The following CHST8 variants were observed in gnomAD, a reference collection of about 807,000 sequenced individuals.
CHST8 encodes the protein GALNAC-4-ST1.
Under a neutral mutation model 15.0 loss-of-function variants are expected in CHST8, and 10 were observed. The observed-to-expected ratio is 0.67, with a 90% CI of 0.41 to 1.13. The LOEUF (loss-of-function observed/expected upper bound fraction) is 1.13, where lower values mean the gene tolerates loss of function less well. CHST8 is among the 50% of genes most tolerant of loss of function. The pLI, the probability that CHST8 is intolerant of heterozygous loss-of-function variation, is 0.00. For missense variants in CHST8, 634 were observed against 608.2 expected (o/e 1.04, Z -0.45); for synonymous variants, 259 against 256.6 (o/e 1.01, Z -0.09).
chr19:33,738,124 C>T lies in CHST8; in HGVS notation c.131-33289C>T, dbSNP rs188380103. ...CTGCTAGATAAATATATCATATTCTCTGACTGCTCAAAACCTCCCAGGGGT... is the reference window on the plus strand; with the variant it reads ...CTGCTAGATAAATATATCATATTCTTTGACTGCTCAAAACCTCCCAGGGGT... On this transcript the variant is annotated intron_variant, in intron 3 of 4. Transcript: ENST00000650847. Among the ~76,000 whole-genome samples the T allele has an allele frequency of 2.6e-5, 4 of 152,342 alleles. No homozygotes were observed. In the East Asian group the frequency reaches 7.7e-4, roughly 29 times the overall value.
At chr19:33,710,325 G>A (rs894804574) in intron 3 of CHST8, among the ~76,000 whole-genome samples, 4 of 152,050 alleles carry the variant, frequency 2.6e-5, no homozygotes, top group African/African-American at 7.2e-5. Flanking sequence ...TTCCTGCTTT[G>A]TATTTTATTA....
chr19:33,761,651 T>G (rs1034842965), intron 3 of CHST8, among the ~76,000 whole-genome samples: 5 of 151,120 alleles, frequency 3.3e-5, no homozygotes, highest in Admixed American at 6.6e-5. Flanking sequence ...TATATATATA[T>G]AGTATAAAAA....
At chr19:33,768,085 G>T (rs1264840328) in intron 3 of CHST8, among the ~76,000 whole-genome samples, 2 of 152,146 alleles carry the variant, frequency 1.3e-5, no homozygotes, top group African/African-American at 4.8e-5. Flanking sequence ...GCCCACTTGG[G>T]GATGTGCAGA....
At chr19:33,752,525 T>C (rs1209848198) in intron 3 of CHST8, among the ~76,000 whole-genome samples, 4 of 152,220 alleles carry the variant, frequency 2.6e-5, no homozygotes, top group African/African-American at 7.2e-5. Context: ...CAGGCAACGA[T>C]ACTGAGGAGC....
At chr19:33,647,181 A>T (rs1446187386) in intron 1 of CHST8, among the ~76,000 whole-genome samples, 1 of 152,244 alleles carries the variant, frequency 6.6e-6, no homozygotes, top group Non-Finnish European at 1.5e-5. Context: ...AAATAGAGAC[A>T]CAAAGAGGAC....
chr19:33,676,002 T>G (rs748648253), intron 2 of CHST8, among the ~76,000 whole-genome samples: 39 of 152,252 alleles, frequency 2.6e-4, no homozygotes, highest in Non-Finnish European at 4.4e-4. Flanking sequence ...TCATGTCCAT[T>G]CTGGATTTGG....
chr19:33,746,507 T>C (rs1254009078), intron 3 of CHST8, among the ~76,000 whole-genome samples: 1 of 152,276 alleles, frequency 6.6e-6, no homozygotes, highest in African/African-American at 2.4e-5. Context: ...TCATCCATGA[T>C]CGTCATGTAT....
At chr19:33,623,865 A>C (rs1333281782) in intron 1 of CHST8, among the ~76,000 whole-genome samples, 3 of 152,168 alleles carry the variant, frequency 2.0e-5, no homozygotes, top group Non-Finnish European at 4.4e-5. Flanking sequence ...TTCATTCAGG[A>C]GCGTTCAGCA....
chr19:33,763,811 A>G (rs1974781354), intron 3 of CHST8, among the ~76,000 whole-genome samples: 1 of 152,232 alleles, frequency 6.6e-6, no homozygotes. Context: ...GCCCATGGGG[A>G]CAATGTGTCC....
chr19:33,679,793 A>C (rs1488192583), intron 2 of CHST8, among the ~76,000 whole-genome samples: 1 of 152,150 alleles, frequency 6.6e-6, no homozygotes, highest in African/African-American at 2.4e-5. Flanking sequence ...GTGGGCTTGG[A>C]GATCTGCTGC....
intron 3 of CHST8, among the ~76,000 whole-genome samples, chr19:33,698,105 C>T (rs536479081): frequency 4.6e-5 from 7 of 152,264 alleles, no homozygotes; most frequent in Admixed American, 3.3e-4. Flanking sequence ...GGCAAAACCC[C>T]GCCTCTACTA....
chr19:33,667,125 A>G (rs890780070), intron 1 of CHST8, among the ~76,000 whole-genome samples: 1 of 151,932 alleles, frequency 6.6e-6, no homozygotes, highest in Non-Finnish European at 1.5e-5. Flanking sequence ...AGCCAGCATC[A>G]CCCCATCTTG....
At chr19:33,660,351 C>T (rs933799280) in intron 1 of CHST8, among the ~76,000 whole-genome samples, 19 of 152,256 alleles carry the variant, frequency 1.2e-4, no homozygotes, top group Non-Finnish European at 2.5e-4. Context: ...ATTCCTGCGC[C>T]GCTCTTGGAA....
At chr19:33,636,709 C>T (rs1402240531) in intron 1 of CHST8, among the ~76,000 whole-genome samples, 1 of 152,038 alleles carries the variant, frequency 6.6e-6, no homozygotes, top group Non-Finnish European at 1.5e-5. Context: ...GAGACGAGCC[C>T]GGCTAACATG....
intron 3 of CHST8, among the ~76,000 whole-genome samples, chr19:33,716,335 C>T (rs140460029): frequency 2.3e-4 from 35 of 152,284 alleles, no homozygotes; most frequent in African/African-American, 6.3e-4. Context: ...GTTACCCATT[C>T]ATAGTTGAGA....
intron 1 of CHST8, among the ~76,000 whole-genome samples, chr19:33,661,391 T>G (rs1972582680): frequency 6.6e-6 from 1 of 152,224 alleles, no homozygotes; most frequent in South Asian, 2.1e-4. Flanking sequence ...GTTGAGCTCA[T>G]GTATGCGACC....
chr19:33,711,296 T>C (rs1973544132), intron 3 of CHST8, among the ~76,000 whole-genome samples: 1 of 152,204 alleles, frequency 6.6e-6, no homozygotes, highest in Non-Finnish European at 1.5e-5. Flanking sequence ...GGTCTTGATA[T>C]CTACACAGAC....
At chr19:33,681,447 GT>G in intron 2 of CHST8, among the ~76,000 whole-genome samples, 1 of 152,190 alleles carries the variant, frequency 6.6e-6, no homozygotes, top group Admixed American at 6.5e-5. Context: ...AGGGATAACT[GT>G]TCCTTCCTAG....
rs761553832 is a variant in CHST8 at position 33,772,211 on chromosome 19, G to T, written c.423G>T (p.Thr141=). 5 of 1,594,996 alleles carry T rather than the reference G, an allele frequency of 3.1e-6. No homozygotes were observed. Among genetic ancestry groups the T allele is most frequent in the Non-Finnish European group, 3.4e-6 (4 of 1,174,372 alleles). ...CCTTCATCCGGCCGGGACCCGGGACGCTGGATGGCCGCTGGGTCAGCCTGC... is the reference window on the plus strand; with the variant it reads ...CCTTCATCCGGCCGGGACCCGGGACTCTGGATGGCCGCTGGGTCAGCCTGC... ...DAPFIRPGPG[T]LDGRWVSLHR... Residue 141 remains threonine (T), a synonymous_variant, in exon 5 of 5, where the codon ACG becomes ACT. Transcript: ENST00000650847.
Sources: gnomAD v4.1 joint callset for allele counts (sites outside exome capture counted in the v4.1 genomes callset) on GRCh38, gnomAD v4.1.1 for gene constraint, MANE v1.5 for transcripts, NCBI Gene and HGNC (gene_info 2026-07-23, HGNC 2026-07-21) for gene names.